TGFBR2: variants seen among roughly 807,000 people sequenced by gnomAD.
The protein encoded by TGFBR2 is transforming growth factor beta receptor 2, also known as TGF-beta receptor type-2.
TGFBR2 carries 18 observed loss-of-function variants against 49.0 expected under a neutral mutation model. The observed-to-expected ratio is 0.37, with a 90% CI of 0.25 to 0.54. The LOEUF (loss-of-function observed/expected upper bound fraction) is 0.54, where lower values mean the gene tolerates loss of function less well. TGFBR2 is among the 20% of genes least tolerant of loss of function. The probability of loss-of-function intolerance (pLI) is 0.85; values close to 1 mark genes in which losing one functional copy is unlikely to be tolerated. For missense variants in TGFBR2, 525 were observed against 722.6 expected, an observed-to-expected ratio of 0.73 and a Z score of 3.13; for synonymous variants, 282 against 275.9, an observed-to-expected ratio of 1.02 and a Z score of -0.22.
intron 3 of TGFBR2, among the ~76,000 whole-genome samples, chr3:30,656,142 G>T (rs1005225279): frequency 6.6e-6 from 1 of 152,150 alleles, no homozygotes; most frequent in Non-Finnish European, 1.5e-5. Context: ...AATAAATTTG[G>T]TCTAAAGCCT....
At chr3:30,688,063 A>G (rs1324945310) in intron 5 of TGFBR2, among the ~76,000 whole-genome samples, 1 of 152,164 alleles carries the variant, frequency 6.6e-6, no homozygotes, top group Non-Finnish European at 1.5e-5. Flanking sequence ...TTTTGCTGCA[A>G]TATCCCCCTG....
At chr3:30,660,682 G>A (rs1699106844) in intron 3 of TGFBR2, among the ~76,000 whole-genome samples, 1 of 152,150 alleles carries the variant, frequency 6.6e-6, no homozygotes, top group African/African-American at 2.4e-5. Flanking sequence ...TTTAAGAGGG[G>A]ATATTATTTT....
At chr3:30,643,947 G>C (rs80036001) in intron 1 of TGFBR2, among the ~76,000 whole-genome samples, 7,089 of 152,250 alleles carry the variant, frequency 0.047, 557 homozygotes, top group African/African-American at 0.16. Context: ...TTCCCAGAAG[G>C]GGGCAGGAGA....
chr3:30,659,672 G>C (rs1011552524), intron 3 of TGFBR2, among the ~76,000 whole-genome samples: 3 of 150,848 alleles, frequency 2.0e-5, no homozygotes, highest in Non-Finnish European at 2.9e-5. Context: ...GACACAGGCT[G>C]TCTCAAATTC....
intron 1 of TGFBR2, among the ~76,000 whole-genome samples, chr3:30,643,231 A>G (rs1698675600): frequency 6.6e-6 from 1 of 152,234 alleles, no homozygotes; most frequent in Admixed American, 6.5e-5. Context: ...TCTAAGGGTT[A>G]TGCCTTGGAA....
At chr3:30,608,587 C>A (rs1697978110) in intron 1 of TGFBR2, among the ~76,000 whole-genome samples, 1 of 152,130 alleles carries the variant, frequency 6.6e-6, no homozygotes, top group Non-Finnish European at 1.5e-5. Flanking sequence ...AAATGCGCAT[C>A]ACGGTCAGTT....
At chr3:30,659,043 TG>T (rs1458624548) in intron 3 of TGFBR2, among the ~76,000 whole-genome samples, 1 of 152,194 alleles carries the variant, frequency 6.6e-6, no homozygotes, top group African/African-American at 2.4e-5. Flanking sequence ...GCTGGCTTCT[TG>T]GGGAAATGAT....
intron 1 of TGFBR2, among the ~76,000 whole-genome samples, chr3:30,627,583 C>T (rs1301163876): frequency 6.6e-6 from 1 of 151,838 alleles, no homozygotes; most frequent in Non-Finnish European, 1.5e-5. Flanking sequence ...AATTATCTCT[C>T]TAAGATGGTC....
intron 5 of TGFBR2, among the ~76,000 whole-genome samples, chr3:30,685,806 C>T (rs776772248): frequency 6.6e-6 from 1 of 152,238 alleles, no homozygotes; most frequent in Non-Finnish European, 1.5e-5. Context: ...CAGCTGTAGG[C>T]TGCTGGCCCT....
chr3:30,639,833 T>A (rs576798759), intron 1 of TGFBR2, among the ~76,000 whole-genome samples: 9 of 152,362 alleles, frequency 5.9e-5, no homozygotes, highest in African/African-American at 2.2e-4. Context: ...CAGTGATACA[T>A]GAATGCATTT....
intron 1 of TGFBR2, among the ~76,000 whole-genome samples, chr3:30,607,298 G>A (rs1697940778): frequency 6.6e-6 from 1 of 152,242 alleles, no homozygotes; most frequent in African/African-American, 2.4e-5. Context: ...TTGGTTATCT[G>A]AAGGCGGCCG....
At chr3:30,606,569 C>T (rs759938843), upstream of TGFBR2, 2 of 310,942 alleles carry the variant, frequency 6.4e-6, no homozygotes, top group African/African-American at 2.1e-5. Flanking sequence ...TTCCTGTTTC[C>T]CCCGCAGCGC....
Position 30,618,223 on chromosome 3 carries a change from T to TC in TGFBR2, c.94+11247dup, listed in dbSNP as rs1213999429. On this transcript the variant is annotated intron_variant, in intron 1 of 6. Coordinates refer to ENST00000295754, the MANE Select transcript of TGFBR2 (RefSeq NM_003242.6). The stretch of plus-strand genomic sequence containing the variant: ...AGAACCCAAGGACCCATTTCTTTTT[T>TC]CTTTCTTGTTTTTTTTTTTTTTTTG... Among the ~76,000 whole-genome samples, 3 of 149,376 alleles carry TC rather than the reference T, an allele frequency of 2.0e-5. No homozygotes were observed. The East Asian group carries it at 6.1e-4, about 30-fold the overall frequency.
chr3:30,631,707 C>G (rs1395990683), intron 1 of TGFBR2, among the ~76,000 whole-genome samples: 1 of 145,980 alleles, frequency 6.9e-6, no homozygotes, highest in Non-Finnish European at 1.5e-5. Context: ...TCTTAGAAAC[C>G]AAAGTGAATC....
At chr3:30,690,424 T>C (rs1004606320) in intron 6 of TGFBR2, among the ~76,000 whole-genome samples, 2 of 152,140 alleles carry the variant, frequency 1.3e-5, no homozygotes, top group African/African-American at 4.8e-5. Flanking sequence ...GGAAATGGCA[T>C]AGAGTTAAGC....
chr3:30,645,563 G>A (rs750267883), intron 2 of TGFBR2, among the ~76,000 whole-genome samples: 10 of 148,170 alleles, frequency 6.7e-5, no homozygotes, highest in Non-Finnish European at 1.0e-4. Context: ...TTGGCTCACC[G>A]CAACCTCCAC....
chr3:30,640,665 A>C (rs1185695948), intron 1 of TGFBR2, among the ~76,000 whole-genome samples: 1 of 150,742 alleles, frequency 6.6e-6, no homozygotes, highest in Non-Finnish European at 1.5e-5. Context: ...TTTTAAAAAA[A>C]TATTTTGCAT....
intron 5 of TGFBR2, among the ~76,000 whole-genome samples, chr3:30,680,412 T>G (rs1699519561): frequency 6.6e-6 from 1 of 152,226 alleles, no homozygotes; most frequent in African/African-American, 2.4e-5. Flanking sequence ...ATTCATTCAT[T>G]CACTCAAAAA....
At chr3:30,654,351 C>A (rs1036676503) in intron 3 of TGFBR2, among the ~76,000 whole-genome samples, 4 of 152,178 alleles carry the variant, frequency 2.6e-5, no homozygotes, top group Non-Finnish European at 5.9e-5. Context: ...AGAAACCTTG[C>A]TGTTTTTTTC....
Sources: gnomAD v4.1 joint callset for allele counts (sites outside exome capture counted in the v4.1 genomes callset) on GRCh38, gnomAD v4.1.1 for gene constraint, MANE v1.5 for transcripts, NCBI Gene and HGNC (gene_info 2026-07-23, HGNC 2026-07-21) for gene names.